ENPP2: variants seen among roughly 807,000 people sequenced by gnomAD.
ENPP2 encodes the protein autotaxin.
In ENPP2, 51 loss-of-function variants were observed where a neutral mutation model predicts 120.2. That is an observed-to-expected ratio of 0.42 (90% CI 0.34 to 0.54). ENPP2 has a LOEUF of 0.54. Among genes scored for constraint, ENPP2 ranks in the 20% least tolerant of loss-of-function variants. The pLI is 0.04. For synonymous variants in ENPP2, 365 were observed against 366.4 expected, an observed-to-expected ratio of 1.00 and a Z score of 0.04; for missense variants, 920 against 1,066.5, an observed-to-expected ratio of 0.86 and a Z score of 1.91.
chr8:119,568,863 T>A (rs1021263888), intron 21 of ENPP2, among the ~76,000 whole-genome samples: 2 of 152,196 alleles, frequency 1.3e-5, no homozygotes, highest in African/African-American at 4.8e-5. Context: ...CCTCCCAAAG[T>A]GCTGGAATTA....
At chr8:119,562,270 C>T (rs1814023923) in intron 24 of ENPP2, among the ~76,000 whole-genome samples, 1 of 151,816 alleles carries the variant, frequency 6.6e-6, no homozygotes, top group South Asian at 2.1e-4. Flanking sequence ...TGGTGAAACC[C>T]CATCTCTACT....
intron 11 of ENPP2, chr8:119,595,884 C>G: frequency 6.2e-7 from 1 of 1,614,024 alleles, no homozygotes; most frequent in Non-Finnish European, 8.5e-7. Context: ...ATGATCCATC[C>G]TATGTATTTT....
chr8:119,641,639 G>T (rs1563767024), upstream of ENPP2, among the ~76,000 whole-genome samples: 1 of 152,154 alleles, frequency 6.6e-6, no homozygotes, highest in Non-Finnish European at 1.5e-5. Flanking sequence ...ATCATTCTGT[G>T]GTTTTCAAAT....
intron 22 of ENPP2, among the ~76,000 whole-genome samples, chr8:119,565,371 A>C (rs1328831107): frequency 6.6e-6 from 1 of 152,182 alleles, no homozygotes; most frequent in African/African-American, 2.4e-5. Context: ...TCTCATCAAT[A>C]TGCTAGTTCC....
At chr8:119,607,017 T>TC (rs1814766156) in intron 9 of ENPP2, among the ~76,000 whole-genome samples, 1 of 152,042 alleles carries the variant, frequency 6.6e-6, no homozygotes, top group Non-Finnish European at 1.5e-5. Flanking sequence ...TAACTGCTTA[T>TC]CCCCCCATCA....
At chr8:119,558,249 T>G (rs537757078) in intron 24 of ENPP2, among the ~76,000 whole-genome samples, 3 of 152,176 alleles carry the variant, frequency 2.0e-5, no homozygotes, top group Non-Finnish European at 4.4e-5. Context: ...AGTTGACACA[T>G]CTGGCACTCT....
intron 19 of ENPP2, chr8:119,571,185 T>A (rs1024389864): frequency 1.2e-5 from 2 of 162,630 alleles, no homozygotes; most frequent in African/African-American, 4.8e-5. Context: ...AGGATTGGAT[T>A]TCTGTAGAAT....
chr8:119,668,259 A>G (rs1378479349), intron 1 of ENPP2, among the ~76,000 whole-genome samples: 1 of 152,182 alleles, frequency 6.6e-6, no homozygotes, highest in Non-Finnish European at 1.5e-5. Flanking sequence ...TGGTTGCCAC[A>G]TATTAGGTGC....
intron 8 of ENPP2, among the ~76,000 whole-genome samples, chr8:119,613,383 G>A (rs1275201859): frequency 6.6e-6 from 1 of 152,166 alleles, no homozygotes; most frequent in Non-Finnish European, 1.5e-5. Context: ...AATGGCCATT[G>A]TACAATTGCC....
chr8:119,627,653 G>A (rs1386638393), intron 2 of ENPP2, among the ~76,000 whole-genome samples: 1 of 151,998 alleles, frequency 6.6e-6, no homozygotes, highest in Non-Finnish European at 1.5e-5. Flanking sequence ...TCTGAGGTCA[G>A]GAGTTCGAGA....
At chr8:119,635,709 C>A (rs757111774) in intron 2 of ENPP2, among the ~76,000 whole-genome samples, 5 of 152,194 alleles carry the variant, frequency 3.3e-5, no homozygotes, top group Non-Finnish European at 7.3e-5. Context: ...TTATAAGTAG[C>A]TTTTCTCATT....
rs116190464 is a variant in ENPP2, at chr8:119,569,794, C to T, written c.1918-424G>A. ...TGTGTGTAGAATGTACAAGAACATA[C>T]GTATGTGTACACAGTACAAATCAAA... is the stretch of plus-strand genomic sequence containing the variant. On this transcript the variant is annotated intron_variant, in intron 20 of 24. Transcript: ENST00000075322. Among the ~76,000 whole-genome samples, 1,074 of 147,048 alleles carry T rather than the reference C, an allele frequency of 7.3e-3. 16 individuals are homozygous for T. The highest frequency in any genetic ancestry group is 0.023 in the African/African-American group (926 of 40,140).
At position 119,557,482 on chromosome 8, in the gene ENPP2, C is replaced by T. The variant is rs773975670; in HGVS notation, c.*39G>A. On this transcript the variant is annotated 3_prime_UTR_variant, in exon 25 of 25. Transcript: ENST00000075322. ...AATACAAAAACAATATAAAAATATACAACCAGTTGATAAGACTGTACTGCA... is the reference window on the plus strand; with the variant it reads ...AATACAAAAACAATATAAAAATATATAACCAGTTGATAAGACTGTACTGCA... The T allele has an allele frequency of 1.4e-6, 2 of 1,472,464 alleles. No homozygotes were observed. Among genetic ancestry groups the T allele is most frequent in the African/African-American group, 1.4e-5 (1 of 69,732 alleles). 91.2% of individuals were successfully genotyped at this position (1,472,464 alleles called of 1,614,324 possible). A position where few individuals can be genotyped will look rare whatever the true frequency, so the allele number is the denominator to read the frequency against.
rs776556798 is a variant in ENPP2, at chr8:119,600,681, A to G, written c.969T>C (p.Pro323=). 3.1e-6 allele frequency: 5 copies of G among 1,605,648 alleles called. No homozygotes were observed. In the South Asian group the frequency reaches 3.3e-5, roughly 11 times the overall value. The part of the protein sequence containing the change: ...FSGHKYGPFG[P]EMTNPLREID... Reference sequence around the variant, plus strand: ...AGGCAGATGCTAAACCACTAACCTCAGGGCCGAAAGGGCCATATTTGTGTC... The same window carrying G: ...AGGCAGATGCTAAACCACTAACCTCGGGGCCGAAAGGGCCATATTTGTGTC... The change falls in exon 11 of 25, where the codon CCT becomes CCC. Residue 323 remains proline, a synonymous_variant. Coordinates refer to ENST00000075322, the MANE Select transcript of ENPP2 (RefSeq NM_001040092.3).
At chr8:119,603,450 G>A (rs763444053) in intron 9 of ENPP2, among the ~76,000 whole-genome samples, 8 of 152,138 alleles carry the variant, frequency 5.3e-5, no homozygotes, top group East Asian at 3.9e-4. Context: ...AATGGTAGAC[G>A]GGGAATTAAA....
chr8:119,597,833 T>C (rs1814011803), intron 11 of ENPP2, among the ~76,000 whole-genome samples: 1 of 152,236 alleles, frequency 6.6e-6, no homozygotes, highest in Non-Finnish European at 1.5e-5. Context: ...ATTTAATAGC[T>C]TTTGAGAATC....
At chr8:119,571,817 A>T (rs950796776) in intron 19 of ENPP2, 1 of 160,866 alleles carries the variant, frequency 6.2e-6, no homozygotes, top group Non-Finnish European at 1.4e-5. Context: ...ACACTTATTA[A>T]ATAATGTATA....
At chr8:119,590,425 T>C in intron 13 of ENPP2, 80 bp downstream of exon 13, 5 of 1,170,572 alleles carry the variant, frequency 4.3e-6, no homozygotes, top group Middle Eastern at 6.3e-4. Flanking sequence ...TACCCAAGTA[T>C]TTCAGCTTTA....
At chr8:119,638,631 C>G in intron 1 of ENPP2, 104 bp from the exon 2 acceptor site, 1 of 997,012 alleles carries the variant, frequency 1.0e-6, no homozygotes, top group Non-Finnish European at 1.6e-6. Flanking sequence ...CCAATCCTAC[C>G]ACTTCCAAAA....
Sources: allele counts gnomAD v4.1 joint callset (sites outside exome capture counted in the v4.1 genomes callset), GRCh38; gene constraint gnomAD v4.1.1; transcripts MANE v1.5; gene names NCBI Gene and HGNC (gene_info 2026-07-23, HGNC 2026-07-21).